The following ZNG1B variants were observed in gnomAD, a reference collection of about 807,000 sequenced individuals.
The protein encoded by ZNG1B is Zn regulated GTPase metalloprotein activator 1B.
chr2:113,454,659 A>C, the ZNG1B span: 1 of 1,413,738 alleles, frequency 7.1e-7, no homozygotes, highest in Non-Finnish European at 9.8e-7. Flanking sequence ...GGTTAGTTTT[A>C]ATTTTCATTC....
At chr2:113,446,585 G>T in the ZNG1B span, among the ~76,000 whole-genome samples, 1,076 of 151,102 alleles carry the variant, frequency 7.1e-3, 10 homozygotes, top group African/African-American at 0.025. Context: ...AGTCTCTACT[G>T]AAAATTCAAA....
chr2:113,455,608 G>A, the ZNG1B span: 91 of 1,286,886 alleles, frequency 7.1e-5, no homozygotes, highest in South Asian at 1.5e-4. Context: ...CCACTGACCC[G>A]TTCCCAATCT....
the ZNG1B span, among the ~76,000 whole-genome samples, chr2:113,475,536 T>C: frequency 1.3e-5 from 2 of 151,406 alleles, no homozygotes; most frequent in Admixed American, 1.3e-4. Context: ...GTCATTATGA[T>C]GTTAGCTGGT....
At chr2:113,448,956 T>G in the ZNG1B span, among the ~76,000 whole-genome samples, 1 of 152,008 alleles carries the variant, frequency 6.6e-6, no homozygotes, top group African/African-American at 2.4e-5. Context: ...TGTAGCTACT[T>G]TCATGAATGA....
At chr2:113,453,029 G>T in the ZNG1B span, 1 of 1,456,516 alleles carries the variant, frequency 6.9e-7, no homozygotes, top group East Asian at 2.3e-5. Flanking sequence ...TCCATAAGAA[G>T]ATATATGTGT....
chr2:113,461,987 A>G, the ZNG1B span, among the ~76,000 whole-genome samples: 1 of 152,070 alleles, frequency 6.6e-6, no homozygotes, highest in Non-Finnish European at 1.5e-5. Flanking sequence ...GGTAAATATT[A>G]CAGTATTTTA....
the ZNG1B span, chr2:113,455,548 C>G: frequency 7.8e-7 from 1 of 1,280,982 alleles, no homozygotes; most frequent in Non-Finnish European, 1.0e-6. Context: ...TGTTTCTCAG[C>G]TTCCCAAGTG....
the ZNG1B span, among the ~76,000 whole-genome samples, chr2:113,472,987 A>G: frequency 0.2 from 29,829 of 146,730 alleles, 2,617 homozygotes; most frequent in East Asian, 0.47. Context: ...TTGGTTCCAT[A>G]TGAACTTTAA....
the ZNG1B span, among the ~76,000 whole-genome samples, chr2:113,476,125 A>G: frequency 8.4e-3 from 1,284 of 152,194 alleles, 11 homozygotes; most frequent in Non-Finnish European, 0.014. Context: ...TTTCAGGTAC[A>G]CCAATCAGAC....
chr2:113,487,305 T>G, the ZNG1B span, among the ~76,000 whole-genome samples: 1 of 152,028 alleles, frequency 6.6e-6, no homozygotes, highest in African/African-American at 2.4e-5. Context: ...TACACTATCA[T>G]GTTTGTATAA....
the ZNG1B span, among the ~76,000 whole-genome samples, chr2:113,477,911 G>A: frequency 0.22 from 33,404 of 151,982 alleles, 3,897 homozygotes; most frequent in East Asian, 0.52. Flanking sequence ...GTGGAATCAT[G>A]CATTATTTGT....
chr2:113,473,576 G>A, the ZNG1B span, among the ~76,000 whole-genome samples: 2 of 151,820 alleles, frequency 1.3e-5, no homozygotes, highest in African/African-American at 4.8e-5. Flanking sequence ...ATTTTCAAAG[G>A]GAATGCTTCC....
At chr2:113,439,224 C>G in the ZNG1B span, 181 of 1,455,320 alleles carry the variant, frequency 1.2e-4, no homozygotes, top group Non-Finnish European at 1.6e-4. Flanking sequence ...TATCCCTGAC[C>G]ATTTTCCCTT....
At chr2:113,461,610 T>C in the ZNG1B span, among the ~76,000 whole-genome samples, 1 of 151,748 alleles carries the variant, frequency 6.6e-6, no homozygotes, top group Non-Finnish European at 1.5e-5. Context: ...TTTCCAGTTT[T>C]ACTATCCTGT....
chr2:113,476,625 GT>G, the ZNG1B span, among the ~76,000 whole-genome samples: 2 of 149,896 alleles, frequency 1.3e-5, no homozygotes, highest in Non-Finnish European at 3.0e-5. Context: ...TTTCTGCTCT[GT>G]TTTTTCCCCA....
At chr2:113,450,050 C>T in the ZNG1B span, among the ~76,000 whole-genome samples, 1 of 149,734 alleles carries the variant, frequency 6.7e-6, no homozygotes, top group Non-Finnish European at 1.5e-5. Context: ...TTCTCCCTAC[C>T]TCCTTGAAGG....
At chr2:113,476,193 T>C in the ZNG1B span, among the ~76,000 whole-genome samples, 1 of 152,202 alleles carries the variant, frequency 6.6e-6, no homozygotes, top group Non-Finnish European at 1.5e-5. Context: ...TTGTTTCTTT[T>C]TATTCTTTTT....
At chr2:113,452,164 T>C in the ZNG1B span, among the ~76,000 whole-genome samples, 414 of 152,326 alleles carry the variant, frequency 2.7e-3, 2 homozygotes, top group African/African-American at 9.5e-3. Flanking sequence ...TTGAGTCAAA[T>C]TGGAAAACTA....
the ZNG1B span, chr2:113,468,555 CTT>C: frequency 7.0e-6 from 1 of 143,834 alleles, no homozygotes; most frequent in Non-Finnish European, 1.5e-5. Context: ...TTTTCTTTCC[CTT>C]TTTTGTTTAC....
Sources: allele counts gnomAD v4.1 joint callset (sites outside exome capture counted in the v4.1 genomes callset), GRCh38; gene constraint gnomAD v4.1.1; transcripts MANE v1.5; gene names NCBI Gene and HGNC (gene_info 2026-07-23, HGNC 2026-07-21).